The following SPINK9 variants were observed in gnomAD, a reference collection of about 807,000 sequenced individuals.
SPINK9 encodes serine peptidase inhibitor Kazal type 9.
A neutral mutation model predicts 10.8 loss-of-function variants in SPINK9; 3 were observed. The ratio of observed to expected loss-of-function variants is 0.28; its 90% CI spans 0.13 to 0.72. The LOEUF (loss-of-function observed/expected upper bound fraction) is 0.72. SPINK9 is among the 30% of genes least tolerant of loss of function. The pLI is 0.74. For missense variants in SPINK9, 101 were observed against 103.2 expected (o/e 0.98, Z 0.09); for synonymous variants, 30 against 31.2 (o/e 0.96, Z 0.12).
At chr5:148,336,577 T>C in intron 2 of SPINK9, 124 bp downstream of exon 2, 2 of 1,074,628 alleles carry the variant, frequency 1.9e-6, no homozygotes, top group Non-Finnish European at 2.7e-6. Flanking sequence ...TGAAAACTGG[T>C]TTTATTTCAA....
At position 148,321,955 on chromosome 5, in the gene SPINK9, T is replaced by G. The variant is rs576541523; in HGVS notation, c.-73+555T>G. ...ACTTTCAAATAATCTAAGATAATGA[T>G]GGCTAACAGTTGTTTTAGACTAGAA... On this transcript the variant is annotated intron_variant, in intron 1 of 4. Transcript: ENST00000511717. Among the ~76,000 whole-genome samples, 6 of 152,348 alleles carry G rather than the reference T, an allele frequency of 3.9e-5. No individual in the cohort carries two copies. In the South Asian group the frequency reaches 6.2e-4, roughly 16 times the overall value.
At chr5:148,323,552 T>A (rs1757022768) in intron 1 of SPINK9, 3 of 448,996 alleles carry the variant, frequency 6.7e-6, no homozygotes, top group Non-Finnish European at 1.2e-5. Flanking sequence ...GACATATATA[T>A]TAACTTTATT....
Position 148,339,781 on chromosome 5 carries a change from T to C in SPINK9, c.*69T>C. 10 of 1,322,498 alleles carry C rather than the reference T, an allele frequency of 7.6e-6. No homozygotes were observed. Among genetic ancestry groups the C allele is most frequent in the Non-Finnish European group, 1.1e-5 (10 of 918,892 alleles). The allele number at this position is 1,322,498 out of a possible 1,614,324, so 81.9% of individuals were successfully genotyped here. A position where few individuals can be genotyped will look rare whatever the true frequency, so the allele number is the denominator to read the frequency against. Reference sequence around the variant, plus strand: ...CAAGAGTCACATTTCTGTTCCCATATTATCTATGCCACATTGCCTACTCAT... The same window carrying C: ...CAAGAGTCACATTTCTGTTCCCATACTATCTATGCCACATTGCCTACTCAT... On this transcript the variant is annotated 3_prime_UTR_variant, in exon 4 of 4. Coordinates refer to ENST00000377906, the MANE Select transcript of SPINK9 (RefSeq NM_001040433.2).
chr5:148,336,619 G>C (rs1446578249), intron 2 of SPINK9, among the ~76,000 whole-genome samples, 166 bp downstream of exon 2: 15 of 152,220 alleles, frequency 9.9e-5, no homozygotes, highest in Admixed American at 5.2e-4. Context: ...AAAATGGAGA[G>C]AGTAGAACAA....
At chr5:148,335,496 C>T (rs1054346133), upstream of SPINK9, 4 of 832,958 alleles carry the variant, frequency 4.8e-6, no homozygotes, top group Non-Finnish European at 7.8e-6. Context: ...TTAGAAATTG[C>T]TATTTCACAA....
chr5:148,328,186 C>T (rs953044698), intron 2 of SPINK9, among the ~76,000 whole-genome samples: 4 of 152,100 alleles, frequency 2.6e-5, no homozygotes, highest in African/African-American at 9.7e-5. Context: ...TTTCATTGAG[C>T]AGTGGTTTGT....
chr5:148,332,963 A>T (rs191047726), upstream of SPINK9, among the ~76,000 whole-genome samples: 4 of 152,332 alleles, frequency 2.6e-5, no homozygotes, highest in Admixed American at 2.6e-4. Context: ...TTTAAAGATG[A>T]GTCTTAAATA....
In SPINK9 at chr5:148,322,719, G is replaced by T. The variant is rs528870480; in HGVS notation, c.-72-960G>T. Among the ~76,000 whole-genome samples the T allele has an allele frequency of 5.9e-5, 9 of 152,272 alleles. No individual in the cohort carries two copies. In the South Asian group the frequency reaches 1.9e-3, roughly 32 times the overall value. ...TTGTAGGGCTGTAAGTGGCAGACGGGTCTACTGGCTCAGGGTCTAAATAAC... is the reference window on the plus strand; with the variant it reads ...TTGTAGGGCTGTAAGTGGCAGACGGTTCTACTGGCTCAGGGTCTAAATAAC... On this transcript the variant is annotated intron_variant, in intron 1 of 4. Transcript: ENST00000511717.
intron 1 of SPINK9, among the ~76,000 whole-genome samples, chr5:148,335,977 C>T (rs761447813): frequency 1.3e-5 from 2 of 152,148 alleles, no homozygotes; most frequent in Admixed American, 6.5e-5. Context: ...ATTCATAAAA[C>T]ATTACAATCA....
chr5:148,328,724 T>C (rs1161874356), intron 2 of SPINK9, among the ~76,000 whole-genome samples: 2 of 152,224 alleles, frequency 1.3e-5, no homozygotes, highest in African/African-American at 4.8e-5. Context: ...TGTTGTTGAA[T>C]TTTGTCAAAG....
intron 2 of SPINK9, 151 bp from the exon 3 acceptor site, chr5:148,338,327 C>T (rs1757244461): frequency 7.2e-6 from 4 of 555,916 alleles, no homozygotes; most frequent in Non-Finnish European, 1.2e-5. Flanking sequence ...AACATCTTTA[C>T]ATTTGAAATG....
chr5:148,338,223 T>G (rs1386858745), intron 2 of SPINK9, among the ~76,000 whole-genome samples: 1 of 152,108 alleles, frequency 6.6e-6, no homozygotes, highest in African/African-American at 2.4e-5. Context: ...TCAACCAGTA[T>G]TGTGAGAAAA....
chr5:148,328,714 T>G (rs370123229), intron 2 of SPINK9, among the ~76,000 whole-genome samples: 7 of 152,110 alleles, frequency 4.6e-5, no homozygotes, highest in South Asian at 2.1e-4. Flanking sequence ...TAGCATGAAG[T>G]GTTGTTGAAT....
chr5:148,333,702 T>A (rs1581188933), upstream of SPINK9, among the ~76,000 whole-genome samples: 1 of 152,170 alleles, frequency 6.6e-6, no homozygotes, highest in African/African-American at 2.4e-5. Flanking sequence ...TTTTGGCTAG[T>A]TCCCAATTTG....
intron 2 of SPINK9, among the ~76,000 whole-genome samples, chr5:148,337,755 A>G (rs1264186203): frequency 9.9e-5 from 15 of 152,142 alleles, no homozygotes; most frequent in Admixed American, 9.8e-4. Flanking sequence ...AAAAAACTAA[A>G]GTTTAGAGAG....
intron 2 of SPINK9, among the ~76,000 whole-genome samples, chr5:148,337,824 C>G (rs1462849228): frequency 6.6e-6 from 1 of 152,092 alleles, no homozygotes; most frequent in Non-Finnish European, 1.5e-5. Flanking sequence ...TGACTTTACT[C>G]TATATGCTCT....
At chr5:148,335,101 T>C (rs902643646), upstream of SPINK9, among the ~76,000 whole-genome samples, 3 of 152,212 alleles carry the variant, frequency 2.0e-5, no homozygotes, top group African/African-American at 7.2e-5. Flanking sequence ...CCTCCAATTC[T>C]ACCTACAACA....
intron 2 of SPINK9, among the ~76,000 whole-genome samples, chr5:148,330,405 A>G (rs915815346): frequency 1.3e-5 from 2 of 152,130 alleles, no homozygotes; most frequent in African/African-American, 4.8e-5. Flanking sequence ...GTTTGTCTGC[A>G]CGTGAGATGG....
chr5:148,338,542 A>T lies in SPINK9; in HGVS notation c.152A>T (p.Asp51Val), dbSNP rs773640232. ...GQQRFCHHMY[D>V]PICGSDGKTY... ...CAGAGATTTTGTCATCATATGTATG[A>T]TCCAATTTGTGGATCTGATGGCAAA... Residue 51 changes from aspartate to valine, a missense_variant, in exon 3 of 4, where the codon GAT (aspartate) becomes GTT (valine). Coordinates refer to ENST00000377906, the MANE Select transcript of SPINK9 (RefSeq NM_001040433.2). 129 of 1,610,034 alleles carry T rather than the reference A, an allele frequency of 8.0e-5. No homozygotes were observed. The highest frequency in any genetic ancestry group is 1.0e-4 in the Non-Finnish European group (119 of 1,177,530).
Sources: gnomAD v4.1 joint callset for allele counts (sites outside exome capture counted in the v4.1 genomes callset) on GRCh38, gnomAD v4.1.1 for gene constraint, MANE v1.5 for transcripts, NCBI Gene and HGNC (gene_info 2026-07-23, HGNC 2026-07-21) for gene names.